PLEKHH2: variants seen among roughly 807,000 people sequenced by gnomAD.
PLEKHH2 encodes the protein pleckstrin homology domain-containing family H member 2.
Under a neutral mutation model 187.9 loss-of-function variants are expected in PLEKHH2, and 129 were observed. The observed-to-expected ratio is 0.69, with a 90% CI of 0.59 to 0.79. PLEKHH2 has a LOEUF of 0.79. Ranked by LOEUF, PLEKHH2 falls within the 30% of genes least tolerant of loss-of-function variation. The probability of loss-of-function intolerance (pLI) is 0.00; values close to 1 mark genes in which losing one functional copy is unlikely to be tolerated. For missense variants in PLEKHH2, 2,076 were observed against 1,751.2 expected (o/e 1.19, Z -3.31); for synonymous variants, 686 against 605.6 (o/e 1.13, Z -1.95).
At chr2:43,723,933 T>C (rs1170954315) in intron 16 of PLEKHH2, among the ~76,000 whole-genome samples, 1 of 152,154 alleles carries the variant, frequency 6.6e-6, no homozygotes, top group East Asian at 1.9e-4. Context: ...TGTGGTTTAG[T>C]GGTGCTGTGG....
At chr2:43,660,240 T>A (rs939031220) in intron 2 of PLEKHH2, among the ~76,000 whole-genome samples, 1 of 152,200 alleles carries the variant, frequency 6.6e-6, no homozygotes, top group African/African-American at 2.4e-5. Context: ...AGAGTAGTAT[T>A]CCATTGTACG....
chr2:43,744,030 G>T, intron 23 of PLEKHH2, 41 bp downstream of exon 23: 6 of 1,589,524 alleles, frequency 3.8e-6, no homozygotes, highest in Non-Finnish European at 5.2e-6. Context: ...CCAACGAACA[G>T]CAAAGAAGCT....
intron 27 of PLEKHH2, 75 bp downstream of exon 27, chr2:43,759,104 G>A: frequency 1.3e-6 from 2 of 1,482,456 alleles, no homozygotes; most frequent in South Asian, 1.5e-5. Context: ...CCCAGACTTA[G>A]TATCCTTGGC....
intron 19 of PLEKHH2, among the ~76,000 whole-genome samples, chr2:43,736,632 G>A (rs1319820670): frequency 7.2e-5 from 11 of 152,050 alleles, no homozygotes; most frequent in Non-Finnish European, 1.0e-4. Flanking sequence ...TCAGGAGTTC[G>A]AGACCAGCCT....
intron 2 of PLEKHH2, among the ~76,000 whole-genome samples, chr2:43,676,731 T>A (rs1324369802): frequency 6.6e-6 from 1 of 152,158 alleles, no homozygotes; most frequent in Non-Finnish European, 1.5e-5. Flanking sequence ...GGGTCCTTCT[T>A]AAGGCTTTTA....
intron 15 of PLEKHH2, among the ~76,000 whole-genome samples, chr2:43,715,107 G>A (rs1478355972): frequency 4.6e-5 from 7 of 151,726 alleles, no homozygotes; most frequent in East Asian, 1.9e-4. Context: ...GTGAAAACCC[G>A]TCTACTAAAA....
In PLEKHH2 at chr2:43,641,394, C is replaced by T. The variant is rs547992313; in HGVS notation, c.-3-3277C>T. Among the ~76,000 whole-genome samples the T allele has an allele frequency of 3.3e-5, 5 of 152,220 alleles. No individual in the cohort carries two copies. The East Asian group carries it at 5.8e-4, about 18-fold the overall frequency. ...TTTTCTTCTAAGAGTTTAGAGCAAG[C>T]GTGTCCAACCTGTGGCCTGCAGGCC... is the stretch of plus-strand genomic sequence containing the variant. On this transcript the variant is annotated intron_variant, in intron 1 of 29. Transcript: ENST00000282406.
intron 18 of PLEKHH2, among the ~76,000 whole-genome samples, chr2:43,730,425 G>C (rs1157091568): frequency 1.3e-5 from 2 of 152,168 alleles, no homozygotes. Context: ...TTGAGACGGA[G>C]TCTCACTCTG....
rs1672609887 is a variant in PLEKHH2 at position 43,766,065 on chromosome 2, A to C, written c.*467A>C. On this transcript the variant is annotated 3_prime_UTR_variant, in exon 30 of 30. Coordinates refer to ENST00000282406, the MANE Select transcript of PLEKHH2 (RefSeq NM_172069.4). The stretch of plus-strand genomic sequence containing the variant: ...ATTAATGATATAGTGTTTGGAAAGG[A>C]GTAGAACATGCAGCATAAGAAACTG... 6.5e-6 allele frequency: 1 copy of C among 154,532 alleles called. No homozygotes were observed. The highest frequency in any genetic ancestry group is 2.4e-5 in the African/African-American group (1 of 41,482). The allele number at this position is 154,532 out of a possible 1,614,324, so 9.6% of individuals were successfully genotyped here. A position where few individuals can be genotyped will look rare whatever the true frequency, so the allele number is the denominator to read the frequency against.
intron 2 of PLEKHH2, among the ~76,000 whole-genome samples, chr2:43,666,058 C>T (rs1298005415): frequency 6.7e-6 from 1 of 149,214 alleles, no homozygotes; most frequent in Admixed American, 6.6e-5. Context: ...CAATGGCGGG[C>T]TCCCCTCCCC....
chr2:43,688,356 T>C (rs1668630076), intron 3 of PLEKHH2, among the ~76,000 whole-genome samples: 1 of 152,218 alleles, frequency 6.6e-6, no homozygotes, highest in South Asian at 2.1e-4. Flanking sequence ...TTTAAAATAC[T>C]CTAAACAATT....
chr2:43,679,017 C>T (rs977959796), intron 3 of PLEKHH2, 92 bp downstream of exon 3: 62 of 763,610 alleles, frequency 8.1e-5, no homozygotes, highest in Non-Finnish European at 1.3e-4. Context: ...ATCAGCCCAC[C>T]TCTACATCTT....
At chr2:43,717,880 C>T (rs185255952) in intron 15 of PLEKHH2, among the ~76,000 whole-genome samples, 2 of 152,324 alleles carry the variant, frequency 1.3e-5, no homozygotes, top group East Asian at 3.9e-4. Context: ...CAGTGCCTGG[C>T]ACATCATAAA....
At chr2:43,699,555 G>C (rs944708283) in intron 7 of PLEKHH2, 92 bp from the exon 8 acceptor site, 2 of 1,456,238 alleles carry the variant, frequency 1.4e-6, no homozygotes, top group Non-Finnish European at 1.9e-6. Context: ...TTTCTACAGT[G>C]TCAATTTCTA....
chr2:43,746,964 T>C (rs4953010), intron 24 of PLEKHH2, among the ~76,000 whole-genome samples: 45,470 of 151,250 alleles, frequency 0.3, 7,793 homozygotes, highest in African/African-American at 0.46. Flanking sequence ...AGCGAGACTC[T>C]GTCTCAAAAA....
At position 43,738,484 on chromosome 2, in the gene PLEKHH2, A is replaced by C; in HGVS notation, c.3087A>C (p.Arg1029Ser). ...EICCQLIKQT[R>S]RRQPQNQPGP... is the part of the protein sequence containing the mutation. ...GCTGTCAGCTTATTAAACAGACAAG[A>C]CGAAGACAGCCACAGAATCAACCAG... Residue 1029 changes from arginine to serine, a missense_variant, in exon 20 of 30, where the codon AGA becomes AGC. By Grantham distance (110) the Arg-to-Ser change is moderately radical. Coordinates refer to ENST00000282406, the MANE Select transcript of PLEKHH2 (RefSeq NM_172069.4). 6.2e-7 allele frequency: 1 copy of C among 1,613,586 alleles called. No homozygotes were observed.
At chr2:43,756,639 A>T (rs1014366876) in intron 25 of PLEKHH2, among the ~76,000 whole-genome samples, 1 of 152,154 alleles carries the variant, frequency 6.6e-6, no homozygotes, top group Non-Finnish European at 1.5e-5. Context: ...TAAATTACAG[A>T]TTTTTTTCAA....
chr2:43,692,977 G>T (rs1363139840), intron 4 of PLEKHH2, among the ~76,000 whole-genome samples: 1 of 152,106 alleles, frequency 6.6e-6, no homozygotes, highest in Non-Finnish European at 1.5e-5. Context: ...GCAGTGGCTC[G>T]ATCTCAGCTC....
At chr2:43,693,123 A>C (rs985928) in intron 4 of PLEKHH2, among the ~76,000 whole-genome samples, 151,486 of 152,080 alleles carry the variant, frequency 1, 75,446 homozygotes, top group Middle Eastern at 1. Flanking sequence ...TAAGAAGAGA[A>C]AGGGTTTTGC....
Sources: gnomAD v4.1 joint callset for allele counts (sites outside exome capture counted in the v4.1 genomes callset) on GRCh38, gnomAD v4.1.1 for gene constraint, MANE v1.5 for transcripts, NCBI Gene and HGNC (gene_info 2026-07-23, HGNC 2026-07-21) for gene names.